Variants in PDZRN4 observed in about 807,000 individuals in gnomAD.
PDZRN4 encodes PDZ domain-containing RING finger protein 4.
A neutral mutation model predicts 99.0 loss-of-function variants in PDZRN4; 70 were observed. That is an observed-to-expected ratio of 0.71 (90% CI 0.58 to 0.86). The LOEUF is 0.86. Ranked by LOEUF, PDZRN4 falls within the 40% of genes least tolerant of loss-of-function variation. The probability of loss-of-function intolerance (pLI) is 0.00; values close to 1 mark genes in which losing one functional copy is unlikely to be tolerated. For synonymous variants in PDZRN4, 551 were observed against 501.6 expected, an observed-to-expected ratio of 1.10 and a Z score of -1.32; for missense variants, 1,474 against 1,331.2, an observed-to-expected ratio of 1.11 and a Z score of -1.67.
intron 3 of PDZRN4, among the ~76,000 whole-genome samples, chr12:41,196,692 T>C (rs115780038): frequency 0.012 from 1,883 of 152,204 alleles, 44 homozygotes; most frequent in African/African-American, 0.042. Context: ...TTGATGCTTA[T>C]CATTATTTTA....
intron 3 of PDZRN4, among the ~76,000 whole-genome samples, chr12:41,410,835 A>T (rs534254888): frequency 1.3e-5 from 2 of 152,206 alleles, no homozygotes; most frequent in South Asian, 4.1e-4. Context: ...AGTTACTCAA[A>T]TCTGCTTAGG....
intron 7 of PDZRN4, among the ~76,000 whole-genome samples, chr12:41,558,189 TC>T (rs1487948689): frequency 1.3e-5 from 2 of 152,332 alleles, no homozygotes; most frequent in East Asian, 3.9e-4. Flanking sequence ...AATAATGTAA[TC>T]TTTTGATGCT....
chr12:41,323,142 CAGCAGGATAA>C (rs1433799930), intron 3 of PDZRN4, among the ~76,000 whole-genome samples: 1 of 152,120 alleles, frequency 6.6e-6, no homozygotes, highest in Non-Finnish European at 1.5e-5. Flanking sequence ...CCTTTACGCC[CAGCAGGATAA>C]AGTTCTCTGC....
intron 3 of PDZRN4, among the ~76,000 whole-genome samples, chr12:41,287,955 CTT>C (rs1951431555): frequency 6.6e-6 from 1 of 152,124 alleles, no homozygotes; most frequent in Non-Finnish European, 1.5e-5. Context: ...CTAGTTGTGA[CTT>C]AGGATTATCA....
chr12:41,256,409 C>G (rs893812360), intron 3 of PDZRN4, among the ~76,000 whole-genome samples: 1 of 151,980 alleles, frequency 6.6e-6, no homozygotes. Context: ...ATACCTTTAT[C>G]CTCTGAGATT....
intron 3 of PDZRN4, among the ~76,000 whole-genome samples, chr12:41,490,894 C>T (rs2120628216): frequency 6.6e-6 from 1 of 152,190 alleles, no homozygotes; most frequent in African/African-American, 2.4e-5. Flanking sequence ...CTTCTCAGCC[C>T]TGAAAGTACA....
At chr12:41,448,502 TGTGTGTATTTCA>T (rs1185059296) in intron 3 of PDZRN4, among the ~76,000 whole-genome samples, 12 of 109,814 alleles carry the variant, frequency 1.1e-4, no homozygotes, top group African/African-American at 4.6e-4. Context: ...GATGCTTCTG[TGTGTGTATTTCA>T]GTTCTGCTGC....
At chr12:41,385,535 A>C (rs372132860) in intron 3 of PDZRN4, among the ~76,000 whole-genome samples, 59 of 152,342 alleles carry the variant, frequency 3.9e-4, no homozygotes, top group African/African-American at 1.4e-3. Context: ...AGGGAATATT[A>C]TAAATGCCTC....
intron 3 of PDZRN4, among the ~76,000 whole-genome samples, chr12:41,401,596 A>G (rs899063880): frequency 2.6e-5 from 4 of 152,030 alleles, no homozygotes; most frequent in African/African-American, 9.7e-5. Flanking sequence ...TCTTGAATCC[A>G]TCTCTTCTTT....
intron 3 of PDZRN4, among the ~76,000 whole-genome samples, chr12:41,495,388 A>C (rs1007246004): frequency 3.9e-5 from 6 of 152,076 alleles, no homozygotes; most frequent in Non-Finnish European, 5.9e-5. Context: ...CACGGTGTGG[A>C]TTAATTGATG....
At chr12:41,315,677 A>T (rs1474820862) in intron 3 of PDZRN4, among the ~76,000 whole-genome samples, 1 of 152,178 alleles carries the variant, frequency 6.6e-6, no homozygotes, top group Non-Finnish European at 1.5e-5. Context: ...TTTAAACAGT[A>T]TTATGCAGTA....
intron 3 of PDZRN4, among the ~76,000 whole-genome samples, chr12:41,360,991 T>C (rs1005708504): frequency 4.6e-5 from 7 of 151,610 alleles, no homozygotes; most frequent in African/African-American, 1.5e-4. Context: ...CTTTGGAACA[T>C]ACACATGTAC....
chr12:41,544,712 A>C (rs1938916948), intron 5 of PDZRN4, among the ~76,000 whole-genome samples: 1 of 152,244 alleles, frequency 6.6e-6, no homozygotes, highest in Admixed American at 6.5e-5. Context: ...ACTAAGCATC[A>C]GTGAAATTTT....
intron 5 of PDZRN4, among the ~76,000 whole-genome samples, chr12:41,544,509 G>A (rs924598290): frequency 2.6e-5 from 4 of 152,114 alleles, no homozygotes; most frequent in African/African-American, 7.2e-5. Context: ...AAGAAGGCAA[G>A]GTGCCATCCT....
chr12:41,480,608 T>C (rs1466894543), intron 3 of PDZRN4, among the ~76,000 whole-genome samples: 1 of 152,156 alleles, frequency 6.6e-6, no homozygotes, highest in Non-Finnish European at 1.5e-5. Flanking sequence ...AACGAAAACA[T>C]ATAAACAAAT....
At chr12:41,492,640 A>G (rs1937911419) in intron 3 of PDZRN4, among the ~76,000 whole-genome samples, 1 of 152,156 alleles carries the variant, frequency 6.6e-6, no homozygotes, top group Non-Finnish European at 1.5e-5. Context: ...TAGCGTTTGT[A>G]TTAAGATGGA....
intron 6 of PDZRN4, among the ~76,000 whole-genome samples, chr12:41,555,043 C>A (rs285582): frequency 7.4e-6 from 1 of 134,526 alleles, no homozygotes; most frequent in East Asian, 2.2e-4. Flanking sequence ...CCCATCTCTA[C>A]TAAAAATACA....
intron 9 of PDZRN4, among the ~76,000 whole-genome samples, chr12:41,570,837 A>G (rs1306594390): frequency 6.6e-6 from 1 of 152,168 alleles, no homozygotes; most frequent in African/African-American, 2.4e-5. Flanking sequence ...TCAATAAGAC[A>G]TTTAAGATAA....
At chr12:41,333,751 A>G (rs1951754540) in intron 3 of PDZRN4, among the ~76,000 whole-genome samples, 1 of 152,138 alleles carries the variant, frequency 6.6e-6, no homozygotes, top group Non-Finnish European at 1.5e-5. Context: ...ACTGTTTCCA[A>G]ATACTATCAA....
Sources: allele counts gnomAD v4.1 joint callset (sites outside exome capture counted in the v4.1 genomes callset), GRCh38; gene constraint gnomAD v4.1.1; transcripts MANE v1.5; gene names NCBI Gene and HGNC (gene_info 2026-07-23, HGNC 2026-07-21).